The following DOCK1 variants were observed in gnomAD, a reference collection of about 807,000 sequenced individuals.
DOCK1 encodes dedicator of cytokinesis 1, also known as dedicator of cytokinesis protein 1.
A neutral mutation model predicts 262.7 loss-of-function variants in DOCK1; 138 were observed. The observed-to-expected ratio is 0.53, with a 90% CI of 0.46 to 0.61. The LOEUF (loss-of-function observed/expected upper bound fraction) is 0.61. DOCK1 is among the 20% of genes least tolerant of loss of function. DOCK1 has a pLI of 0.00. For missense variants in DOCK1, 1,908 were observed against 2,370.7 expected (o/e 0.80, Z 4.05); for synonymous variants, 866 against 867.4 (o/e 1.00, Z 0.03).
intron 1 of DOCK1, among the ~76,000 whole-genome samples, chr10:126,918,943 T>G (rs2134081229): frequency 6.7e-6 from 1 of 149,722 alleles, no homozygotes; most frequent in Non-Finnish European, 1.5e-5. Context: ...AAAGTCAAGG[T>G]GCAGATGGGC....
chr10:126,987,370 A>T, intron 4 of DOCK1, 151 bp from the exon 5 acceptor site: 1 of 601,908 alleles, frequency 1.7e-6, no homozygotes, highest in East Asian at 2.9e-5. Flanking sequence ...AGACGTATGT[A>T]TTTATATGTG....
chr10:127,353,402 T>C (rs2133862691), intron 31 of DOCK1, among the ~76,000 whole-genome samples: 1 of 152,214 alleles, frequency 6.6e-6, no homozygotes, highest in East Asian at 1.9e-4. Context: ...CCTGGGCAAT[T>C]GGGGGGCGTG....
At chr10:127,285,774 G>A (rs1487049732) in intron 29 of DOCK1, among the ~76,000 whole-genome samples, 2 of 152,242 alleles carry the variant, frequency 1.3e-5, no homozygotes, top group African/African-American at 4.8e-5. Flanking sequence ...ATACTCTTCA[G>A]AGTGTGCTTC....
chr10:127,188,953 G>A (rs1589850661), intron 27 of DOCK1, among the ~76,000 whole-genome samples: 2 of 152,324 alleles, frequency 1.3e-5, no homozygotes, highest in Admixed American at 6.5e-5. Flanking sequence ...AGCCTGGCCT[G>A]GAGCCTGTTA....
intron 28 of DOCK1, among the ~76,000 whole-genome samples, chr10:127,255,881 G>A (rs1160598785): frequency 6.6e-6 from 1 of 152,162 alleles, no homozygotes; most frequent in African/African-American, 2.4e-5. Flanking sequence ...CGTTAAAATG[G>A]GAAACTCTTG....
rs888859449 is a variant in DOCK1 at position 127,410,693 on chromosome 10, G to C, written c.4344-147G>C. 18 of 617,466 alleles carry C rather than the reference G, an allele frequency of 2.9e-5. No individual in the cohort carries two copies. In the East Asian group the frequency reaches 5.2e-4, roughly 18 times the overall value. 38.2% of individuals were successfully genotyped at this position (617,466 alleles called of 1,614,324 possible). A position where few individuals can be genotyped will look rare whatever the true frequency, so the allele number is the denominator to read the frequency against. On this transcript the variant is annotated intron_variant, in intron 42 of 51. Coordinates refer to ENST00000623213, the MANE Select transcript of DOCK1 (RefSeq NM_001290223.2). ...CACCTGCCAACATTTCCCTGGCTGG[G>C]AGAGGACACCAAGGCGATGGCTTCA...
intron 29 of DOCK1, among the ~76,000 whole-genome samples, chr10:127,299,080 G>A (rs2061595580): frequency 6.6e-6 from 1 of 152,150 alleles, no homozygotes; most frequent in Non-Finnish European, 1.5e-5. Flanking sequence ...TGAGGTGGGT[G>A]CATGTTGGAG....
intron 23 of DOCK1, among the ~76,000 whole-genome samples, chr10:127,079,555 T>C (rs1225993266): frequency 6.6e-6 from 1 of 152,202 alleles, no homozygotes; most frequent in Non-Finnish European, 1.5e-5. Flanking sequence ...GAGTGTGTCA[T>C]GTGGCAGTCA....
chr10:127,056,751 C>T (rs1258618414), intron 22 of DOCK1, among the ~76,000 whole-genome samples: 4 of 152,118 alleles, frequency 2.6e-5, no homozygotes, highest in Admixed American at 6.5e-5. Flanking sequence ...TGGCTGCCTA[C>T]CCTCATTCCT....
At chr10:127,235,118 T>C (rs1211732326) in intron 27 of DOCK1, among the ~76,000 whole-genome samples, 1 of 150,120 alleles carries the variant, frequency 6.7e-6, no homozygotes, top group African/African-American at 2.4e-5. Flanking sequence ...CTTTAAACAT[T>C]ATATACTTTG....
At chr10:127,123,459 A>G (rs1252744536) in intron 25 of DOCK1, among the ~76,000 whole-genome samples, 2 of 152,212 alleles carry the variant, frequency 1.3e-5, no homozygotes, top group African/African-American at 4.8e-5. Context: ...CGGGGCTCAG[A>G]TAAGGGTGTG....
At chr10:127,168,619 A>C (rs1353778609) in intron 27 of DOCK1, among the ~76,000 whole-genome samples, 2 of 152,232 alleles carry the variant, frequency 1.3e-5, no homozygotes, top group African/African-American at 4.8e-5. Context: ...AACCAGGTGG[A>C]AGACTTTGAT....
chr10:126,942,619 C>T (rs2134265875), intron 1 of DOCK1, among the ~76,000 whole-genome samples: 1 of 152,232 alleles, frequency 6.6e-6, no homozygotes, highest in Admixed American at 6.5e-5. Context: ...CCGAGCCAGC[C>T]CCGAGGGAGC....
At chr10:126,949,031 G>T (rs2035917560) in intron 1 of DOCK1, among the ~76,000 whole-genome samples, 3 of 152,088 alleles carry the variant, frequency 2.0e-5, no homozygotes, top group Non-Finnish European at 2.9e-5. Flanking sequence ...TCTTTGCTTT[G>T]GTTCCCTGGC....
At chr10:126,971,557 C>G (rs1033674045) in intron 2 of DOCK1, among the ~76,000 whole-genome samples, 1 of 152,130 alleles carries the variant, frequency 6.6e-6, no homozygotes, top group East Asian at 1.9e-4. Flanking sequence ...GCTGGGACTA[C>G]AGGTGCATGC....
intron 29 of DOCK1, among the ~76,000 whole-genome samples, chr10:127,311,742 CTCTA>C (rs1468115141): frequency 6.6e-6 from 1 of 152,222 alleles, no homozygotes; most frequent in African/African-American, 2.4e-5. Flanking sequence ...TCCCTACACC[CTCTA>C]TCTAACCCAT....
In DOCK1 at chr10:126,995,047, C is replaced by T. The variant is rs1292841286; in HGVS notation, c.474-1701C>T. On this transcript the variant is annotated intron_variant, in intron 6 of 51. Coordinates refer to ENST00000623213, the MANE Select transcript of DOCK1 (RefSeq NM_001290223.2). The surrounding 1 kb of genome is among the most constrained non-coding windows in gnomAD (Gnocchi z 5.8). ...ACACTCCTCAGTTCCCAGACGGGGT[C>T]GTGGCTGGGCAGAGGCGCTCTTCAC... Among the ~76,000 whole-genome samples the T allele has an allele frequency of 1.4e-5, 2 of 147,890 alleles. No individual in the cohort carries two copies. The highest frequency in any genetic ancestry group is 2.0e-4 in the East Asian group (1 of 4,980).
intron 33 of DOCK1, among the ~76,000 whole-genome samples, chr10:127,364,441 A>C (rs547531943): frequency 6.6e-6 from 1 of 152,146 alleles, no homozygotes; most frequent in Non-Finnish European, 1.5e-5. Context: ...ATCTCAGCTC[A>C]CTACAGCCTC....
chr10:126,972,182 C>A (rs1355909003), intron 2 of DOCK1, among the ~76,000 whole-genome samples: 1 of 152,122 alleles, frequency 6.6e-6, no homozygotes, highest in Non-Finnish European at 1.5e-5. Flanking sequence ...TCCCAAAGTG[C>A]TAGGATTACA....
Sources: allele counts gnomAD v4.1 joint callset (sites outside exome capture counted in the v4.1 genomes callset), GRCh38; gene constraint gnomAD v4.1.1; non-coding constraint Gnocchi (gnomAD v3.1); transcripts MANE v1.5; gene names NCBI Gene and HGNC (gene_info 2026-07-23, HGNC 2026-07-21).